Variants in EVL observed in about 807,000 individuals in gnomAD.
The protein encoded by EVL is Enah/Vasp-like, also known as ena/VASP-like protein.
A neutral mutation model predicts 59.6 loss-of-function variants in EVL; 21 were observed. The ratio of observed to expected loss-of-function variants is 0.35; its 90% confidence interval spans 0.25 to 0.51. The LOEUF (loss-of-function observed/expected upper bound fraction) is 0.51. Ranked by LOEUF, EVL falls within the 20% of genes least tolerant of loss-of-function variation. The probability of loss-of-function intolerance (pLI) is 0.97; values close to 1 mark genes in which losing one functional copy is unlikely to be tolerated. For missense variants in EVL, 462 were observed against 546.6 expected (o/e 0.85, Z 1.54); for synonymous variants, 198 against 203.5 (o/e 0.97, Z 0.23).
chr14:100,110,545 G>T (rs1323315937), intron 3 of EVL, among the ~76,000 whole-genome samples: 1 of 152,050 alleles, frequency 6.6e-6, no homozygotes, highest in East Asian at 1.9e-4. Flanking sequence ...TGAATGGGGG[G>T]ATCTGATGAG....
intron 3 of EVL, chr14:100,102,554 G>T (rs1886288448): frequency 2.8e-6 from 1 of 357,198 alleles, no homozygotes; most frequent in South Asian, 2.1e-5. Context: ...GTGGGTCACA[G>T]ATTCCTTGGC....
chr14:100,024,297 T>C (rs1211362351), intron 1 of EVL, among the ~76,000 whole-genome samples: 7 of 152,182 alleles, frequency 4.6e-5, no homozygotes, highest in Admixed American at 2.6e-4. Flanking sequence ...ATGAGTAGTA[T>C]TGGGGAAGAC....
intron 3 of EVL, among the ~76,000 whole-genome samples, chr14:100,104,316 T>A (rs1201097243): frequency 6.6e-6 from 1 of 152,266 alleles, no homozygotes; most frequent in Admixed American, 6.5e-5. Context: ...CTTTTCTTTT[T>A]CTTTATTGTA....
At chr14:100,125,929 G>T (rs1888044560) in intron 4 of EVL, among the ~76,000 whole-genome samples, 1 of 152,176 alleles carries the variant, frequency 6.6e-6, no homozygotes, top group South Asian at 2.1e-4. Context: ...CTCCCACCAA[G>T]CCCAGAGCTG....
intron 1 of EVL, chr14:100,074,751 T>C (rs1261720642): frequency 2.0e-5 from 3 of 152,266 alleles, no homozygotes; most frequent in African/African-American, 7.2e-5. Flanking sequence ...GGAAAGACAG[T>C]GGTCAGAAAA....
In EVL at chr14:100,108,650, C is replaced by G. The variant is rs1886741539; in HGVS notation, c.358+10992C>G. ...CGTCAGTCACACTCTTACTCAGGCT[C>G]TCCTGTGCCCCTGGCCCTTCTTCCC... is the stretch of plus-strand genomic sequence containing the variant. On this transcript the variant is annotated intron_variant, in intron 3 of 13. Coordinates refer to ENST00000392920, the MANE Select transcript of EVL (RefSeq NM_016337.3). The surrounding 1 kb of genome is among the most constrained non-coding windows in gnomAD (Gnocchi z 4.1). Among the ~76,000 whole-genome samples the G allele has an allele frequency of 6.6e-6, 1 of 152,214 alleles. No individual in the cohort carries two copies. Among genetic ancestry groups the G allele is most frequent in the Non-Finnish European group, 1.5e-5 (1 of 68,040 alleles).
chr14:100,013,811 G>A (rs2061032960), intron 1 of EVL, among the ~76,000 whole-genome samples: 1 of 152,206 alleles, frequency 6.6e-6, no homozygotes, highest in African/African-American at 2.4e-5. Context: ...GTCAGATTGT[G>A]CGGGAGCCAA....
intron 1 of EVL, among the ~76,000 whole-genome samples, chr14:99,979,142 A>G (rs1037461083): frequency 6.6e-6 from 1 of 151,734 alleles, no homozygotes; most frequent in African/African-American, 2.4e-5. Context: ...GGAACTAGAC[A>G]CTCCCATCCC....
intron 1 of EVL, among the ~76,000 whole-genome samples, chr14:99,984,374 A>C (rs1487884583): frequency 1.3e-5 from 2 of 152,168 alleles, no homozygotes; most frequent in African/African-American, 2.4e-5. Context: ...TGTAGGAATC[A>C]CTGGAGGGAT....
At chr14:100,111,253 T>G (rs1450742222) in intron 3 of EVL, among the ~76,000 whole-genome samples, 1 of 145,878 alleles carries the variant, frequency 6.9e-6, no homozygotes, top group Non-Finnish European at 1.5e-5. Flanking sequence ...GCCTCCCAGG[T>G]TCAAGCGATT....
chr14:100,011,446 T>A (rs1286402839), intron 1 of EVL, among the ~76,000 whole-genome samples: 2 of 152,252 alleles, frequency 1.3e-5, no homozygotes, highest in African/African-American at 2.4e-5. Context: ...ATGGTTTCAT[T>A]GCTCTGAAAT....
At chr14:100,140,226 G>A (rs1014209973) in intron 11 of EVL, 1 of 152,212 alleles carries the variant, frequency 6.6e-6, no homozygotes, top group Non-Finnish European at 1.5e-5. Flanking sequence ...GACAGAGTGA[G>A]ACCCTGTCTC....
upstream of EVL, among the ~76,000 whole-genome samples, chr14:100,061,002 A>G (rs891965118): frequency 2.6e-5 from 4 of 151,346 alleles, no homozygotes; most frequent in Non-Finnish European, 4.4e-5. Flanking sequence ...AGTATTCTCT[A>G]TTCACAAAAA....
At chr14:99,998,552 G>A (rs1228407213) in intron 1 of EVL, among the ~76,000 whole-genome samples, 1 of 152,082 alleles carries the variant, frequency 6.6e-6, no homozygotes, top group Non-Finnish European at 1.5e-5. Context: ...TACTAGTTTT[G>A]TAAAAATCAT....
chr14:100,134,303 G>A (rs1888632298), intron 8 of EVL, among the ~76,000 whole-genome samples: 1 of 152,188 alleles, frequency 6.6e-6, no homozygotes, highest in Admixed American at 6.5e-5. Flanking sequence ...GTGCCAGTAT[G>A]TTGCAGTCCC....
At chr14:100,115,119 G>A (rs920284355) in intron 3 of EVL, among the ~76,000 whole-genome samples, 2 of 152,006 alleles carry the variant, frequency 1.3e-5, no homozygotes, top group African/African-American at 4.8e-5. Flanking sequence ...ATTGCTATTT[G>A]TTCTGTTTGA....
At chr14:100,069,425 C>T (rs2062003122) in intron 1 of EVL, among the ~76,000 whole-genome samples, 1 of 152,200 alleles carries the variant, frequency 6.6e-6, no homozygotes, top group East Asian at 1.9e-4. Flanking sequence ...CCTAATTGTA[C>T]GCCTTTGTGT....
In EVL at chr14:100,102,824, A is replaced by G. The variant is rs574483373; in HGVS notation, c.358+5166A>G. 8.0e-4 allele frequency among the ~76,000 whole-genome samples: 122 copies of G among 152,344 alleles called. 13 individuals carry two copies. The highest frequency in any genetic ancestry group is 6.2e-4 in the South Asian group (3 of 4,826). On this transcript the variant is annotated intron_variant, in intron 3 of 13. Coordinates refer to ENST00000392920, the MANE Select transcript of EVL (RefSeq NM_016337.3). Reference sequence around the variant, plus strand: ...TTAAAAATGGACATAAAGGGTGGGCACAGTGGCTCACGCCTGTAATCCCAC... The same window carrying G: ...TTAAAAATGGACATAAAGGGTGGGCGCAGTGGCTCACGCCTGTAATCCCAC...
intron 1 of EVL, among the ~76,000 whole-genome samples, chr14:100,002,911 A>G (rs188705091): frequency 9.5e-4 from 145 of 152,340 alleles, no homozygotes; most frequent in Non-Finnish European, 1.1e-3. Context: ...CTTTTCCAAA[A>G]TTTTATAATC....
Sources: allele counts gnomAD v4.1 joint callset (sites outside exome capture counted in the v4.1 genomes callset), GRCh38; gene constraint gnomAD v4.1.1; non-coding constraint Gnocchi (gnomAD v3.1); transcripts MANE v1.5; gene names NCBI Gene and HGNC (gene_info 2026-07-23, HGNC 2026-07-21).